ZMAT4: variants seen among roughly 807,000 people sequenced by gnomAD.
ZMAT4 encodes the protein zinc finger matrin-type 4.
In ZMAT4, 17 loss-of-function variants were observed where a neutral mutation model predicts 28.7. The ratio of observed to expected loss-of-function variants is 0.59; its 90% CI spans 0.41 to 0.89. ZMAT4 has a LOEUF of 0.89. Among genes scored for constraint, ZMAT4 ranks in the 40% least tolerant of loss-of-function variants. ZMAT4 has a pLI of 0.00. For synonymous variants in ZMAT4, 117 were observed against 109.2 expected, an observed-to-expected ratio of 1.07 and a Z score of -0.44; for missense variants, 240 against 283.8, an observed-to-expected ratio of 0.85 and a Z score of 1.11.
intron 5 of ZMAT4, among the ~76,000 whole-genome samples, chr8:40,635,895 T>G (rs1244846868): frequency 6.6e-6 from 1 of 152,142 alleles, no homozygotes; most frequent in African/African-American, 2.4e-5. Context: ...TGTAACCTAA[T>G]TAATAAAAGT....
chr8:40,692,313 C>A (rs1809698184), intron 4 of ZMAT4, among the ~76,000 whole-genome samples: 1 of 152,170 alleles, frequency 6.6e-6, no homozygotes, highest in Non-Finnish European at 1.5e-5. Flanking sequence ...AATTTGATGT[C>A]ATTACCTGTC....
At chr8:40,670,237 C>T (rs966223225) in intron 5 of ZMAT4, among the ~76,000 whole-genome samples, 6 of 152,080 alleles carry the variant, frequency 3.9e-5, no homozygotes, top group African/African-American at 7.2e-5. Flanking sequence ...GATATAGGCT[C>T]ACACAATCAA....
rs751510407 is a variant in ZMAT4 at position 40,812,940 on chromosome 8, T to TAAAATAAAATA, written c.102+12634_102+12635insTATTTTATTTT. Among the ~76,000 whole-genome samples the TAAAATAAAATA allele has an allele frequency of 1.5e-3, 67 of 44,820 alleles. 1 individual carries two copies. The highest frequency in any genetic ancestry group is 5.7e-3 in the African/African-American group (59 of 10,280). 29.4% of individuals were successfully genotyped at this position (44,820 alleles called of 152,430 possible). A position where few individuals can be genotyped will look rare whatever the true frequency, so the allele number is the denominator to read the frequency against. On this transcript the variant is annotated intron_variant, in intron 2 of 6. Coordinates refer to ENST00000297737, the MANE Select transcript of ZMAT4 (RefSeq NM_024645.3). Reference sequence around the variant, plus strand: ...AAGAGCAAAACTCCATCTCAAAAATTAAATTAAATTAAATTAAATTAAATT... The same window carrying TAAAATAAAATA: ...AAGAGCAAAACTCCATCTCAAAAATTAAAATAAAATAAAATTAAATTAAATTAAATTAAATT...
chr8:40,875,200 C>T (rs1817997077), intron 1 of ZMAT4, among the ~76,000 whole-genome samples: 1 of 152,158 alleles, frequency 6.6e-6, no homozygotes, highest in Non-Finnish European at 1.5e-5. Flanking sequence ...CCTGGGCAAA[C>T]ATAATTGACC....
At chr8:40,625,519 G>T (rs75321045) in intron 5 of ZMAT4, among the ~76,000 whole-genome samples, 6,240 of 152,196 alleles carry the variant, frequency 0.041, 209 homozygotes, top group East Asian at 0.17. Flanking sequence ...CTATTTGGGA[G>T]CAGAGAATAC....
At chr8:40,715,060 A>AAAAAAAAAAAAAC (rs1810790039) in intron 3 of ZMAT4, among the ~76,000 whole-genome samples, 1 of 151,398 alleles carries the variant, frequency 6.6e-6, no homozygotes, top group African/African-American at 2.4e-5. Flanking sequence ...AAAAAAAAAA[A>AAAAAAAAAAAAAC]AAAAGTGTGT....
At chr8:40,818,693 T>G (rs1815636832) in intron 2 of ZMAT4, among the ~76,000 whole-genome samples, 1 of 152,206 alleles carries the variant, frequency 6.6e-6, no homozygotes, top group South Asian at 2.1e-4. Context: ...CCAGGGTAGG[T>G]GTGGGCCTAG....
intron 2 of ZMAT4, among the ~76,000 whole-genome samples, chr8:40,820,421 T>C (rs1036029170): frequency 1.6e-5 from 2 of 128,900 alleles, no homozygotes; most frequent in South Asian, 2.8e-4. Flanking sequence ...AGTGTGTGTA[T>C]AGTGTGTGCT....
chr8:40,589,461 A>T (rs1804779011), intron 5 of ZMAT4, among the ~76,000 whole-genome samples: 1 of 152,204 alleles, frequency 6.6e-6, no homozygotes, highest in Non-Finnish European at 1.5e-5. Context: ...AGTGAGAATC[A>T]TGTAGGAGTT....
intron 1 of ZMAT4, among the ~76,000 whole-genome samples, chr8:40,873,857 C>T (rs1204221877): frequency 2.0e-5 from 3 of 152,168 alleles, no homozygotes; most frequent in Non-Finnish European, 4.4e-5. Context: ...TTCAGACAAC[C>T]TGAGCTTTCC....
chr8:40,581,271 A>G lies in ZMAT4; in HGVS notation c.578-10T>C. On this transcript the variant is annotated splice_polypyrimidine_tract_variant and intron_variant, in intron 5 of 6. Transcript: ENST00000297737. ...TAATTGCGCCTCAGACCTGTGGACAACAGACAGACCTGGTTAGCTGCATCC... is the reference window on the plus strand; with the variant it reads ...TAATTGCGCCTCAGACCTGTGGACAGCAGACAGACCTGGTTAGCTGCATCC... 6.2e-7 allele frequency: 1 copy of G among 1,611,342 alleles called. No homozygotes were observed. The highest frequency in any genetic ancestry group is 1.1e-5 in the South Asian group (1 of 91,036).
chr8:40,762,196 TA>T, intron 3 of ZMAT4, among the ~76,000 whole-genome samples: 1 of 152,222 alleles, frequency 6.6e-6, no homozygotes, highest in South Asian at 2.1e-4. Context: ...ACTAAGTGAA[TA>T]ATGTCCCCCT....
In ZMAT4 at chr8:40,646,738, T is replaced by G. The variant is rs967323477; in HGVS notation, c.577+27966A>C. ...TGATAGAATTTAAAGGAGAAATAGATCATTCAACTGTAATAGTTAGAGACT... is the reference window on the plus strand; with the variant it reads ...TGATAGAATTTAAAGGAGAAATAGAGCATTCAACTGTAATAGTTAGAGACT... On this transcript the variant is annotated intron_variant, in intron 5 of 6. Coordinates refer to ENST00000297737, the MANE Select transcript of ZMAT4 (RefSeq NM_024645.3). Among the ~76,000 whole-genome samples, 8 of 152,266 alleles carry G rather than the reference T, an allele frequency of 5.3e-5. No individual in the cohort carries two copies. In the East Asian group the frequency reaches 5.8e-4, roughly 11 times the overall value.
At chr8:40,573,380 C>T (rs1238138295) in intron 6 of ZMAT4, among the ~76,000 whole-genome samples, 2 of 152,168 alleles carry the variant, frequency 1.3e-5, no homozygotes, top group Non-Finnish European at 2.9e-5. Context: ...TTGACTCTTC[C>T]AGTTCCTGGT....
chr8:40,819,564 A>T (rs1815672353), intron 2 of ZMAT4, among the ~76,000 whole-genome samples: 1 of 152,156 alleles, frequency 6.6e-6, no homozygotes, highest in Admixed American at 6.5e-5. Context: ...TATGGCAAGA[A>T]TGCACAAAAA....
chr8:40,881,429 AAG>A (rs1206128785), intron 1 of ZMAT4, among the ~76,000 whole-genome samples: 6 of 120,030 alleles, frequency 5.0e-5, no homozygotes, highest in Non-Finnish European at 1.0e-4. Context: ...AAAAAGAAGA[AAG>A]AGAGAAAGAA....
At chr8:40,874,791 C>G (rs887926782) in intron 1 of ZMAT4, among the ~76,000 whole-genome samples, 1 of 152,184 alleles carries the variant, frequency 6.6e-6, no homozygotes, top group African/African-American at 2.4e-5. Context: ...CTAATTATAA[C>G]TCTTGGTCTG....
In ZMAT4 at chr8:40,633,538, A is replaced by T. The variant is rs371043756; in HGVS notation, c.577+41166T>A. Among the ~76,000 whole-genome samples the T allele has an allele frequency of 1.8e-4, 28 of 152,294 alleles. 1 individual carries two copies. The highest frequency in any genetic ancestry group is 3.4e-3 in the Middle Eastern group (1 of 294). ...AGTACAGTTAGTGAGGGTAGCACAT[A>T]AAAGGTCTGTCCTCGCTCCATGGCC... On this transcript the variant is annotated intron_variant, in intron 5 of 6. Coordinates refer to ENST00000297737, the MANE Select transcript of ZMAT4 (RefSeq NM_024645.3).
In ZMAT4 at chr8:40,815,563, G is replaced by A. The variant is rs188828467; in HGVS notation, c.102+10012C>T. ...CCCTCAACCACAGGGCACAGCTGAGGAGACCCCCAGGAGAATCCTGTCCTT... is the reference window on the plus strand; with the variant it reads ...CCCTCAACCACAGGGCACAGCTGAGAAGACCCCCAGGAGAATCCTGTCCTT... On this transcript the variant is annotated intron_variant, in intron 2 of 6. Coordinates refer to ENST00000297737, the MANE Select transcript of ZMAT4 (RefSeq NM_024645.3). Among the ~76,000 whole-genome samples, 9 of 152,304 alleles carry A rather than the reference G, an allele frequency of 5.9e-5. No individual in the cohort carries two copies. The East Asian group carries it at 1.4e-3, about 23-fold the overall frequency.
Sources: allele counts gnomAD v4.1 joint callset (sites outside exome capture counted in the v4.1 genomes callset), GRCh38; gene constraint gnomAD v4.1.1; transcripts MANE v1.5; gene names NCBI Gene and HGNC (gene_info 2026-07-23, HGNC 2026-07-21).